Variants in EFHC1 observed in about 807,000 individuals in gnomAD.
The protein encoded by EFHC1 is EF-hand domain containing 1, also known as EF-hand domain-containing protein 1.
Under a neutral mutation model 69.9 loss-of-function variants are expected in EFHC1, and 53 were observed. The observed-to-expected ratio is 0.76, with a 90% CI of 0.61 to 0.95. The LOEUF (loss-of-function observed/expected upper bound fraction) is 0.95, where lower values mean the gene tolerates loss of function less well. Among genes scored for constraint, EFHC1 ranks in the 40% least tolerant of loss-of-function variants. The pLI, the probability that EFHC1 is intolerant of heterozygous loss-of-function variation, is 0.00. For missense variants in EFHC1, 739 were observed against 798.7 expected, an observed-to-expected ratio of 0.93 and a Z score of 0.90; for synonymous variants, 256 against 278.4, an observed-to-expected ratio of 0.92 and a Z score of 0.80.
intron 2 of EFHC1, among the ~76,000 whole-genome samples, chr6:52,427,007 A>G (rs1342582733): frequency 6.6e-6 from 1 of 152,008 alleles, no homozygotes; most frequent in Non-Finnish European, 1.5e-5. Flanking sequence ...ACCACCATTC[A>G]CCTCACTGTG....
At chr6:52,463,598 TCACTTAAGAAGATATGTG>T (rs1205685718) in intron 5 of EFHC1, among the ~76,000 whole-genome samples, 1 of 152,194 alleles carries the variant, frequency 6.6e-6, no homozygotes, top group Non-Finnish European at 1.5e-5. Context: ...ACAGTCATTC[TCACTTAAGAAGATATGTG>T]CAAAAATCCT....
chr6:52,472,511 G>T (rs1035220743), intron 7 of EFHC1, among the ~76,000 whole-genome samples: 6 of 151,848 alleles, frequency 4.0e-5, no homozygotes, highest in Non-Finnish European at 8.8e-5. Context: ...AAAACATAAA[G>T]TTAAAAAATA....
At chr6:52,448,679 T>C (rs1352544647) in intron 3 of EFHC1, among the ~76,000 whole-genome samples, 1 of 152,190 alleles carries the variant, frequency 6.6e-6, no homozygotes, top group Non-Finnish European at 1.5e-5. Context: ...TGTTCGGCCA[T>C]CCTGGAACCT....
rs1022737522 is a variant in EFHC1, at chr6:52,494,035, C to T, written c.*1694C>T. ...TCCAGGTTATTATCTTGGGAATAAC[C>T]CATGTTTTGTTTTGTTTTACCCTCA... On this transcript the variant is annotated 3_prime_UTR_variant, in exon 11 of 11. Coordinates refer to ENST00000371068, the MANE Select transcript of EFHC1 (RefSeq NM_018100.4). 1 of 453,644 alleles carries T rather than the reference C, an allele frequency of 2.2e-6. No homozygotes were observed. Among genetic ancestry groups the T allele is most frequent in the African/African-American group, 2.0e-5 (1 of 49,844 alleles). 28.1% of individuals were successfully genotyped at this position (453,644 alleles called of 1,614,324 possible).
chr6:52,442,869 ACACTGTCTTCCACAATGGTTGAATTAGT>A (rs1417725949), intron 3 of EFHC1, among the ~76,000 whole-genome samples: 3 of 152,248 alleles, frequency 2.0e-5, no homozygotes, highest in African/African-American at 7.2e-5. Flanking sequence ...AGGAATCACC[ACACTGTCTTCCACAATGGTTGAATTAGT>A]TTACATTCCC....
At chr6:52,453,101 T>C in intron 4 of EFHC1, 4 of 1,447,900 alleles carry the variant, frequency 2.8e-6, no homozygotes, top group Non-Finnish European at 3.7e-6. Flanking sequence ...CTCAAAGCAA[T>C]TCCTGAGCTA....
Position 52,492,481 on chromosome 6 carries a change from C to T in EFHC1, c.*140C>T, listed in dbSNP as rs78906153. ...GTTCTTCTTTCACTCCTACTGAAGT[C>T]GAAACTAAATTGGATCTAATAGGAT... On this transcript the variant is annotated 3_prime_UTR_variant, in exon 11 of 11. Coordinates refer to ENST00000371068, the MANE Select transcript of EFHC1 (RefSeq NM_018100.4). 1,772 of 847,244 alleles carry T rather than the reference C, an allele frequency of 2.1e-3. 22 individuals carry two copies. In the African/African-American group the frequency reaches 0.026, roughly 12 times the overall value. The allele number at this position is 847,244 out of a possible 1,614,324, so 52.5% of individuals were successfully genotyped here.
chr6:52,455,703 A>G (rs1308971421), intron 5 of EFHC1, among the ~76,000 whole-genome samples: 2 of 152,082 alleles, frequency 1.3e-5, no homozygotes, highest in African/African-American at 4.8e-5. Context: ...AAGTTTGTCT[A>G]CATTAGAGGT....
At chr6:52,491,665 G>A (rs1024722137) in intron 10 of EFHC1, among the ~76,000 whole-genome samples, 1 of 152,186 alleles carries the variant, frequency 6.6e-6, no homozygotes, top group Non-Finnish European at 1.5e-5. Context: ...GAGAGTTAAC[G>A]AAGGAAGATG....
chr6:52,490,060 CAAGT>C, intron 9 of EFHC1, 76 bp from the exon 10 acceptor site: 3 of 1,313,270 alleles, frequency 2.3e-6, no homozygotes, highest in Non-Finnish European at 3.2e-6. Flanking sequence ...CTGATTTCAT[CAAGT>C]AAGAACTTTG....
intron 5 of EFHC1, among the ~76,000 whole-genome samples, chr6:52,459,374 A>T (rs991606399): frequency 2.0e-5 from 3 of 152,222 alleles, no homozygotes; most frequent in African/African-American, 7.2e-5. Context: ...ACTTAGGAAA[A>T]CAACCCAAAT....
chr6:52,443,653 G>C (rs1157371985), intron 3 of EFHC1, among the ~76,000 whole-genome samples: 1 of 152,110 alleles, frequency 6.6e-6, no homozygotes, highest in African/African-American at 2.4e-5. Context: ...CTATATCTCT[G>C]TTTTGGTACC....
intron 5 of EFHC1, among the ~76,000 whole-genome samples, chr6:52,455,446 A>T (rs1422378358): frequency 6.6e-6 from 1 of 152,144 alleles, no homozygotes; most frequent in Non-Finnish European, 1.5e-5. Flanking sequence ...TGAAGTCAGG[A>T]GATCGAGACC....
At chr6:52,466,548 A>G (rs1314942722) in intron 6 of EFHC1, among the ~76,000 whole-genome samples, 3 of 152,110 alleles carry the variant, frequency 2.0e-5, no homozygotes, top group Non-Finnish European at 2.9e-5. Context: ...GCACTTCTCT[A>G]TTATATTAAA....
rs1402305364 is a variant in EFHC1 at position 52,479,400 on chromosome 6, A to G, written c.1492+150A>G. On this transcript the variant is annotated intron_variant, in intron 8 of 10. Transcript: ENST00000371068. ...CTTGTATATATGGTATAATGTGTTA[A>G]TCGCCTTCCTAATCAATTAAACTCT... is the stretch of plus-strand genomic sequence containing the variant. 1.9e-5 allele frequency: 20 copies of G among 1,055,244 alleles called. No individual in the cohort carries two copies. In the East Asian group the frequency reaches 2.6e-4, roughly 14 times the overall value. The allele number at this position is 1,055,244 out of a possible 1,614,324, so 65.4% of individuals were successfully genotyped here.
intron 1 of EFHC1, among the ~76,000 whole-genome samples, chr6:52,421,324 GT>G (rs1327070912): frequency 6.6e-6 from 1 of 151,856 alleles, no homozygotes; most frequent in Non-Finnish European, 1.5e-5. Flanking sequence ...TAACGTTTTT[GT>G]AAAAAGATTC....
At chr6:52,484,307 CT>C (rs1312536610) in intron 9 of EFHC1, 1 of 152,064 alleles carries the variant, frequency 6.6e-6, no homozygotes, top group Non-Finnish European at 1.5e-5. Context: ...GTGTTTATAT[CT>C]ATTGCTATTT....
At chr6:52,422,350 T>A (rs1479318531) in intron 1 of EFHC1, among the ~76,000 whole-genome samples, 2 of 152,194 alleles carry the variant, frequency 1.3e-5, no homozygotes, top group African/African-American at 4.8e-5. Context: ...AATGAGGATG[T>A]CAACTCAGCG....
chr6:52,487,973 T>C (rs558290705), intron 9 of EFHC1: 4 of 152,338 alleles, frequency 2.6e-5, no homozygotes, highest in African/African-American at 9.6e-5. Context: ...TAACTAGCTC[T>C]TCCTTAAACA....
Sources: allele counts gnomAD v4.1 joint callset (sites outside exome capture counted in the v4.1 genomes callset), GRCh38; gene constraint gnomAD v4.1.1; transcripts MANE v1.5; gene names NCBI Gene and HGNC (gene_info 2026-07-23, HGNC 2026-07-21).